Variants in RBFOX1 observed in about 807,000 individuals in gnomAD.
RBFOX1 encodes the protein RNA binding fox-1 homolog 1.
Under a neutral mutation model 57.7 loss-of-function variants are expected in RBFOX1, and 8 were observed. That is an observed-to-expected ratio of 0.14 (90% CI 0.08 to 0.25). RBFOX1 has a LOEUF of 0.25. RBFOX1 is among the 10% of genes least tolerant of loss of function. The probability of loss-of-function intolerance (pLI) is 1.00; values close to 1 mark genes in which losing one functional copy is unlikely to be tolerated. For missense variants in RBFOX1, 611 were observed against 548.5 expected (o/e 1.11, Z -1.14); for synonymous variants, 326 against 222.4 (o/e 1.47, Z -4.15).
At chr16:6,824,152 C>T (rs530194921) in intron 3 of RBFOX1, among the ~76,000 whole-genome samples, 5 of 152,184 alleles carry the variant, frequency 3.3e-5, no homozygotes, top group Non-Finnish European at 7.3e-5. Flanking sequence ...CGCCTGTAAT[C>T]CCAGCACTTT....
intron 4 of RBFOX1, among the ~76,000 whole-genome samples, chr16:7,251,084 G>A (rs1232173637): frequency 1.3e-5 from 2 of 152,116 alleles, no homozygotes; most frequent in Admixed American, 6.5e-5. Flanking sequence ...TAGTCACCAT[G>A]TTAAACAAAA....
chr16:5,932,723 T>G (rs2059089031), intron 4 of RBFOX1, among the ~76,000 whole-genome samples: 1 of 152,220 alleles, frequency 6.6e-6, no homozygotes, highest in Admixed American at 6.5e-5. Context: ...TGGTCTTGTT[T>G]ACGTGCATTT....
intron 3 of RBFOX1, among the ~76,000 whole-genome samples, chr16:6,686,012 A>T (rs1301470705): frequency 6.6e-6 from 1 of 152,174 alleles, no homozygotes; most frequent in East Asian, 1.9e-4. Context: ...CAGAAAAAAT[A>T]CTGCATATTG....
Position 6,097,577 on chromosome 16 carries a change from A to G in RBFOX1, c.-127+77585A>G, listed in dbSNP as rs749580166. 1.4e-4 allele frequency among the ~76,000 whole-genome samples: 21 copies of G among 152,178 alleles called. No individual in the cohort carries two copies. The highest frequency in any genetic ancestry group is 2.8e-4 in the Non-Finnish European group (19 of 68,034). On this transcript the variant is annotated intron_variant, in intron 1 of 15. Coordinates refer to ENST00000550418, the MANE Select transcript of RBFOX1 (RefSeq NM_018723.4). The surrounding 1 kb of genome is among the most constrained non-coding windows in gnomAD (Gnocchi z 5.0). ...GTATAAGAACCTCTGCTGCACAGGG[A>G]GACCTCACTTTCATTATTCTCATTT...
chr16:6,930,909 T>C (rs1006968112), intron 3 of RBFOX1, among the ~76,000 whole-genome samples: 7 of 151,802 alleles, frequency 4.6e-5, no homozygotes, highest in Non-Finnish European at 8.8e-5. Flanking sequence ...CATAGCCGAG[T>C]CTTCTGTGTA....
At chr16:6,889,480 G>A (rs914346900) in intron 3 of RBFOX1, among the ~76,000 whole-genome samples, 5 of 152,164 alleles carry the variant, frequency 3.3e-5, no homozygotes, top group Admixed American at 6.5e-5. Context: ...TTAGCAAGTG[G>A]GAAAATAGGC....
chr16:6,618,134 C>T (rs114466980), intron 2 of RBFOX1, among the ~76,000 whole-genome samples: 3,324 of 152,094 alleles, frequency 0.022, 132 homozygotes, highest in African/African-American at 0.075. Flanking sequence ...GTCAGTGCTC[C>T]CAGTGTTACA....
intron 6 of RBFOX1, 57 bp from the exon 7 acceptor site, chr16:7,587,190 T>C: frequency 6.9e-7 from 1 of 1,442,776 alleles, no homozygotes; most frequent in South Asian, 1.7e-5. Flanking sequence ...CTACTGTACA[T>C]AGTAATGTCT....
chr16:6,903,790 G>A (rs1348684100), intron 3 of RBFOX1, among the ~76,000 whole-genome samples: 1 of 152,166 alleles, frequency 6.6e-6, no homozygotes, highest in Non-Finnish European at 1.5e-5. Context: ...AGCTGCCGCT[G>A]CTTAGCCAGA....
At chr16:7,226,067 A>T (rs185565761) in intron 4 of RBFOX1, among the ~76,000 whole-genome samples, 2 of 151,888 alleles carry the variant, frequency 1.3e-5, no homozygotes, top group African/African-American at 2.4e-5. Flanking sequence ...ATTCTCTCCA[A>T]ATAGTGGCAA....
intron 3 of RBFOX1, among the ~76,000 whole-genome samples, chr16:5,773,481 C>G (rs1269920963): frequency 6.6e-6 from 1 of 152,184 alleles, no homozygotes; most frequent in African/African-American, 2.4e-5. Flanking sequence ...GTAGTTGATT[C>G]TAACAGTTGC....
At chr16:7,701,461 C>T (rs147569756) in intron 14 of RBFOX1, among the ~76,000 whole-genome samples, 2 of 152,300 alleles carry the variant, frequency 1.3e-5, no homozygotes, top group Non-Finnish European at 2.9e-5. Context: ...CTAGGTTGCA[C>T]ACTCCTTTTG....
chr16:5,796,502 A>G (rs148579681), intron 3 of RBFOX1, among the ~76,000 whole-genome samples: 7 of 152,260 alleles, frequency 4.6e-5, no homozygotes, highest in African/African-American at 1.2e-4. Flanking sequence ...CATTTCCAAG[A>G]TGGGATGGAA....
At chr16:6,496,096 G>A (rs1286464029) in intron 2 of RBFOX1, among the ~76,000 whole-genome samples, 1 of 152,208 alleles carries the variant, frequency 6.6e-6, no homozygotes, top group Non-Finnish European at 1.5e-5. Flanking sequence ...AGAAAGATAT[G>A]TGCTACTCTG....
intron 4 of RBFOX1, chr16:7,304,542 C>A: frequency 3.0e-6 from 3 of 985,304 alleles, no homozygotes; most frequent in Non-Finnish European, 2.4e-6. Context: ...CAGATGGGTC[C>A]CCGCGCGTAC....
chr16:7,098,926 C>T (rs1431619533), intron 4 of RBFOX1, among the ~76,000 whole-genome samples: 2 of 152,022 alleles, frequency 1.3e-5, no homozygotes, highest in Non-Finnish European at 2.9e-5. Context: ...GTTACTAGTG[C>T]CTGAGGTTGT....
chr16:7,373,230 G>C (rs2147454923), intron 4 of RBFOX1, among the ~76,000 whole-genome samples: 1 of 152,250 alleles, frequency 6.6e-6, no homozygotes, highest in Middle Eastern at 3.4e-3. Context: ...ACCGCGTCTG[G>C]CTGAAATTGC....
chr16:5,479,804 T>G (rs973863559), intron 2 of RBFOX1, among the ~76,000 whole-genome samples: 33 of 151,996 alleles, frequency 2.2e-4, no homozygotes, highest in African/African-American at 7.5e-4. Flanking sequence ...CTACCTGTAT[T>G]CATGGTGGTC....
At chr16:7,379,902 A>G (rs2097758345) in intron 4 of RBFOX1, among the ~76,000 whole-genome samples, 1 of 151,694 alleles carries the variant, frequency 6.6e-6, no homozygotes, top group Non-Finnish European at 1.5e-5. Flanking sequence ...CACCCACCTG[A>G]GGTGCAATGG....
Sources: allele counts gnomAD v4.1 joint callset (sites outside exome capture counted in the v4.1 genomes callset), GRCh38; gene constraint gnomAD v4.1.1; non-coding constraint Gnocchi (gnomAD v3.1); transcripts MANE v1.5; gene names NCBI Gene and HGNC (gene_info 2026-07-23, HGNC 2026-07-21).